HERC2: variants seen among roughly 807,000 people sequenced by gnomAD.
HERC2 encodes the protein HECT and RLD domain containing E3 ubiquitin protein ligase 2.
In HERC2, 102 loss-of-function variants were observed where a neutral mutation model predicts 537.7. The observed-to-expected ratio is 0.19, with a 90% CI of 0.16 to 0.22. The LOEUF (loss-of-function observed/expected upper bound fraction) is 0.22. Ranked by LOEUF, HERC2 falls within the 10% of genes least tolerant of loss-of-function variation. The pLI is 1.00. For synonymous variants in HERC2, 2,224 were observed against 2,466.2 expected (o/e 0.90, Z 2.91); for missense variants, 4,236 against 6,198.2 (o/e 0.68, Z 10.63).
Position 28,280,256 on chromosome 15 carries a change from CA to C in HERC2, c.353del (p.Val118GlyfsTer28). The stretch of plus-strand genomic sequence containing the variant: ...CCAGGGCCTGCTGCTCTTTAACCAG[CA>C]CAGAAAGACACTCCTTCAGTTCATT... ...DVNELKECLS[V>X]LVKEQQALAV... On this transcript the variant is annotated frameshift_variant, in exon 5 of 93. Transcript: ENST00000261609. LOFTEE classifies it high-confidence loss of function. The C allele has an allele frequency of 6.2e-7, 1 of 1,613,630 alleles. No individual in the cohort carries two copies. Among genetic ancestry groups the C allele is most frequent in the Non-Finnish European group, 8.5e-7 (1 of 1,179,848 alleles).
At chr15:28,198,885 C>T (rs1897617064) in intron 48 of HERC2, 116 bp from the exon 49 acceptor site, 4 of 986,922 alleles carry the variant, frequency 4.1e-6, no homozygotes, top group African/African-American at 3.3e-5. Context: ...TGGTGGCTCA[C>T]GTCTGTAATC....
In HERC2 at chr15:28,233,811, G is replaced by C; in HGVS notation, c.4219-15C>G. 1 of 1,611,882 alleles carries C rather than the reference G, an allele frequency of 6.2e-7. No homozygotes were observed. The highest frequency in any genetic ancestry group is 8.5e-7 in the Non-Finnish European group (1 of 1,179,688). ...CACAAAAAGTCCTGCAACAGAAACA[G>C]CTGGAAGTAACTTCAGAGCCACCCA... is the stretch of plus-strand genomic sequence containing the variant. On this transcript the variant is annotated splice_polypyrimidine_tract_variant and intron_variant, in intron 27 of 92. Transcript: ENST00000261609.
chr15:28,169,780 A>G (rs1894508213), intron 65 of HERC2, 125 bp from the exon 66 acceptor site: 1 of 838,522 alleles, frequency 1.2e-6, no homozygotes, highest in East Asian at 2.7e-5. Flanking sequence ...TTCACAAAGC[A>G]CCTATCAGGC....
chr15:28,124,301 A>C, intron 84 of HERC2, 67 bp from the exon 85 acceptor site: 2 of 1,099,638 alleles, frequency 1.8e-6, no homozygotes, highest in Non-Finnish European at 2.5e-6. Flanking sequence ...TGTGGCATCC[A>C]TTAAGGATTC....
chr15:28,233,860 A>G, intron 27 of HERC2, 64 bp from the exon 28 acceptor site: 1 of 1,530,738 alleles, frequency 6.5e-7, no homozygotes, highest in Admixed American at 1.7e-5. Flanking sequence ...AATCTTAAAC[A>G]TGCCACAGCT....
intron 81 of HERC2, among the ~76,000 whole-genome samples, chr15:28,131,027 G>A (rs1890054021): frequency 6.6e-6 from 1 of 152,140 alleles, no homozygotes; most frequent in Non-Finnish European, 1.5e-5. Flanking sequence ...AAAGCACTGG[G>A]CCCCACCCAC....
rs578186596 is a variant in HERC2 at position 28,172,408 on chromosome 15, C to A, written c.10057+1987G>T. 2.0e-5 allele frequency among the ~76,000 whole-genome samples: 3 copies of A among 152,338 alleles called. No individual in the cohort carries two copies. The South Asian group carries it at 6.2e-4, about 32-fold the overall frequency. On this transcript the variant is annotated intron_variant, in intron 65 of 92. Transcript: ENST00000261609. ...AGCTGTGGTAATCAAGACAATATGT[C>A]ATTGCCACCAAAATCCACAAATAAA...
At chr15:28,269,824 T>C (rs2075668550) in intron 10 of HERC2, among the ~76,000 whole-genome samples, 1 of 152,236 alleles carries the variant, frequency 6.6e-6, no homozygotes, top group Non-Finnish European at 1.5e-5. Context: ...AGAAATCAAC[T>C]TGTACGGGAG....
chr15:28,265,903 G>T lies in HERC2; in HGVS notation c.1670C>A (p.Ala557Asp). 3 of 1,614,188 alleles carry T rather than the reference G, an allele frequency of 1.9e-6. No individual in the cohort carries two copies. The highest frequency in any genetic ancestry group is 2.5e-6 in the Non-Finnish European group (3 of 1,180,042). The change falls in exon 13 of 93, where the codon GCT (alanine) becomes GAT (aspartate). Residue 557 changes from alanine to aspartate, a missense_variant. Physicochemically the swap from Ala to Asp is moderately radical, Grantham distance 126. Coordinates refer to ENST00000261609, the MANE Select transcript of HERC2 (RefSeq NM_004667.6). This position sits in a 1 kb window ranked among gnomAD's most constrained non-coding sequence, Gnocchi z 4.0. ...KQAGKHVVHI[A>D]CGSTYSAAIT... ...GGCCGCACTGTAAGTGCTCCCGCAA[G>T]CGATGTGCACCACGTGCTTCCCGGC...
intron 19 of HERC2, 139 bp downstream of exon 19, chr15:28,255,733 A>G: frequency 1.1e-6 from 1 of 944,862 alleles, no homozygotes; most frequent in Non-Finnish European, 1.5e-6. Context: ...ATTGGCACAT[A>G]AAAGAATTTT....
intron 38 of HERC2, among the ~76,000 whole-genome samples, chr15:28,216,890 C>A (rs910252405): frequency 6.6e-6 from 1 of 151,738 alleles, no homozygotes; most frequent in Non-Finnish European, 1.5e-5. Context: ...CACTCCTCAA[C>A]ACTAGTAACG....
At chr15:28,116,454 C>A (rs1205156325) in intron 88 of HERC2, among the ~76,000 whole-genome samples, 1 of 152,102 alleles carries the variant, frequency 6.6e-6, no homozygotes. Flanking sequence ...TGACCTCAGG[C>A]AATCTGCCTG....
chr15:28,307,861 G>A (rs544772290), intron 2 of HERC2, among the ~76,000 whole-genome samples: 25 of 152,140 alleles, frequency 1.6e-4, no homozygotes, highest in Non-Finnish European at 3.5e-4. Context: ...TGAGTTCACC[G>A]TAGATGTGCG....
At chr15:28,171,192 A>G (rs137912927) in intron 65 of HERC2, among the ~76,000 whole-genome samples, 10 of 152,350 alleles carry the variant, frequency 6.6e-5, no homozygotes, top group African/African-American at 2.4e-4. Context: ...TATGAATGAC[A>G]TGGCAGTTTT....
intron 3 of HERC2, among the ~76,000 whole-genome samples, chr15:28,293,419 G>C (rs1054742536): frequency 5.3e-5 from 8 of 151,488 alleles, no homozygotes; most frequent in African/African-American, 1.9e-4. Flanking sequence ...CGTGAACCCG[G>C]GAGGCAGAGC....
In HERC2 at chr15:28,184,892, C is replaced by A. The variant is rs1032306244; in HGVS notation, c.8825+1685G>T. Among the ~76,000 whole-genome samples the A allele has an allele frequency of 1.3e-3, 67 of 51,152 alleles. 1 individual carries two copies. Among genetic ancestry groups the A allele is most frequent in the African/African-American group, 4.7e-3 (66 of 13,992 alleles). The allele number at this position is 51,152 out of a possible 152,430, so 33.6% of individuals were successfully genotyped here. On this transcript the variant is annotated intron_variant, in intron 56 of 92. Transcript: ENST00000261609. ...ATAAATAAATAATAATTTTATTTGT[C>A]CAATTCATTTTAGTAGCTACTGAGT...
intron 86 of HERC2, among the ~76,000 whole-genome samples, chr15:28,120,553 T>C (rs1034644244): frequency 6.6e-6 from 1 of 152,242 alleles, no homozygotes; most frequent in African/African-American, 2.4e-5. Context: ...TGTGAGTTTA[T>C]ATACACTTGA....
At chr15:28,203,436 T>C (rs1898083130) in intron 45 of HERC2, 1 of 151,954 alleles carries the variant, frequency 6.6e-6, no homozygotes, top group South Asian at 2.1e-4. Flanking sequence ...TTCTAAAAGT[T>C]TAAAATTCAG....
intron 2 of HERC2, among the ~76,000 whole-genome samples, chr15:28,301,824 C>T (rs1440522295): frequency 9.3e-6 from 1 of 107,382 alleles, no homozygotes; most frequent in African/African-American, 3.5e-5. Flanking sequence ...TTTTTTGAGA[C>T]GGATCTCGTT....
Sources: gnomAD v4.1 joint callset for allele counts (sites outside exome capture counted in the v4.1 genomes callset) on GRCh38, gnomAD v4.1.1 for gene constraint, Gnocchi (gnomAD v3.1) non-coding constraint, MANE v1.5 for transcripts, NCBI Gene and HGNC (gene_info 2026-07-23, HGNC 2026-07-21) for gene names.